ADGRG6: variants seen among roughly 807,000 people sequenced by gnomAD.
The protein encoded by ADGRG6 is adhesion G protein-coupled receptor G6.
In ADGRG6, 84 loss-of-function variants were observed where a neutral mutation model predicts 142.4. The observed-to-expected ratio is 0.59, with a 90% CI of 0.49 to 0.71. ADGRG6 has a LOEUF of 0.71. ADGRG6 is among the 30% of genes least tolerant of loss of function. The probability of loss-of-function intolerance (pLI) is 0.00; values close to 1 mark genes in which losing one functional copy is unlikely to be tolerated. For synonymous variants in ADGRG6, 521 were observed against 520.5 expected (o/e 1.00, Z -0.01); for missense variants, 1,367 against 1,466.6 (o/e 0.93, Z 1.11).
At chr6:142,439,726 C>G (rs1256875342) in intron 24 of ADGRG6, among the ~76,000 whole-genome samples, 1 of 152,016 alleles carries the variant, frequency 6.6e-6, no homozygotes, top group Non-Finnish European at 1.5e-5. Flanking sequence ...GCTGTTGATT[C>G]TCTTCCAGAA....
chr6:142,327,092 T>C (rs894972870), intron 2 of ADGRG6, among the ~76,000 whole-genome samples: 2 of 152,022 alleles, frequency 1.3e-5, no homozygotes, highest in African/African-American at 2.4e-5. Flanking sequence ...AGTACTTTGT[T>C]TGGGTGTGTA....
At chr6:142,361,550 C>A (rs1410321622) in intron 2 of ADGRG6, among the ~76,000 whole-genome samples, 3 of 152,014 alleles carry the variant, frequency 2.0e-5, no homozygotes, top group African/African-American at 4.8e-5. Flanking sequence ...TCAGAGGCAT[C>A]CAGTGCTGGA....
intron 2 of ADGRG6, among the ~76,000 whole-genome samples, chr6:142,365,730 G>A (rs1303890098): frequency 6.6e-6 from 1 of 152,148 alleles, no homozygotes; most frequent in Non-Finnish European, 1.5e-5. Flanking sequence ...AATGGATGGA[G>A]ACAGAGTTGG....
chr6:142,402,613 G>T lies in ADGRG6; in HGVS notation c.1745-7G>T, dbSNP rs1259334422. On this transcript the variant is annotated splice_region_variant and splice_polypyrimidine_tract_variant and intron_variant, in intron 12 of 24. Coordinates refer to ENST00000367609, the MANE Select transcript of ADGRG6 (RefSeq NM_198569.3). Reference sequence around the variant, plus strand: ...CTTAGTGTTGTTTTCTTCTGCCTTTGTTTTAGAAGAAGCAAATGAAGTTGC... The same window carrying T: ...CTTAGTGTTGTTTTCTTCTGCCTTTTTTTTAGAAGAAGCAAATGAAGTTGC... 2 of 1,493,030 alleles carry T rather than the reference G, an allele frequency of 1.3e-6. No homozygotes were observed. Among genetic ancestry groups the T allele is most frequent in the Non-Finnish European group, 1.9e-6 (2 of 1,080,902 alleles). The allele number at this position is 1,493,030 out of a possible 1,614,324, so 92.5% of individuals were successfully genotyped here.
chr6:142,423,306 G>A (rs1302148760), intron 22 of ADGRG6, among the ~76,000 whole-genome samples: 26 of 147,410 alleles, frequency 1.8e-4, no homozygotes, highest in Non-Finnish European at 3.6e-4. Context: ...TAGGTCTAAC[G>A]TTTAAATCTT....
rs577495333 is a variant in ADGRG6 at position 142,428,816 on chromosome 6, A to G, written c.3320-8618A>G. Among the ~76,000 whole-genome samples, 24 of 152,284 alleles carry G rather than the reference A, an allele frequency of 1.6e-4. 1 individual carries two copies. The highest frequency in any genetic ancestry group is 4.8e-4 in the African/African-American group (20 of 41,566). Reference sequence around the variant, plus strand: ...ATTATGGGGATTACAATTCAAGATGAGATTTGGGTGGGGACACAAAGCCAA... The same window carrying G: ...ATTATGGGGATTACAATTCAAGATGGGATTTGGGTGGGGACACAAAGCCAA... On this transcript the variant is annotated intron_variant, in intron 22 of 24. Transcript: ENST00000367609.
intron 2 of ADGRG6, among the ~76,000 whole-genome samples, chr6:142,345,830 T>C (rs1779872655): frequency 6.6e-6 from 1 of 152,220 alleles, no homozygotes; most frequent in African/African-American, 2.4e-5. Flanking sequence ...CTAGCTAGAC[T>C]TTAATTTGTG....
intron 2 of ADGRG6, among the ~76,000 whole-genome samples, chr6:142,311,618 T>C (rs1479444135): frequency 6.6e-6 from 1 of 152,008 alleles, no homozygotes; most frequent in East Asian, 1.9e-4. Flanking sequence ...TTTTGAAGAC[T>C]AGTGCTTAAC....
intron 2 of ADGRG6, among the ~76,000 whole-genome samples, chr6:142,313,917 A>C (rs921841925): frequency 6.6e-6 from 1 of 152,180 alleles, no homozygotes; most frequent in Non-Finnish European, 1.5e-5. Context: ...TGTATTGAAA[A>C]TTACTAAGTG....
At position 142,367,859 on chromosome 6, in the gene ADGRG6, T is replaced by G. The variant is rs756103287; in HGVS notation, c.394T>G (p.Ser132Ala). The G allele has an allele frequency of 1.9e-6, 3 of 1,613,286 alleles. No homozygotes were observed. The highest frequency in any genetic ancestry group is 1.7e-5 in the Admixed American group (1 of 60,000). Residue 132 changes from serine (S) to alanine (A), a missense_variant, in exon 3 of 25, where the codon TCA (serine) becomes GCA (alanine). Physicochemically the swap from Ser to Ala is moderately conservative, Grantham distance 99 (BLOSUM62 1). Around this residue, in one of 3 missense-constraint regions of ADGRG6, gnomAD observed 737 missense variants for 746.5 expected, o/e 0.99. Coordinates refer to ENST00000367609, the MANE Select transcript of ADGRG6 (RefSeq NM_198569.3). Reference protein sequence around the residue: ...SSANEMHVSFSSDFSIQKKGF... With the variant: ...SSANEMHVSFASDFSIQKKGF... Reference sequence around the variant, plus strand: ...TGCGAATGAGATGCATGTGTCCTTTTCAAGTGACTTTAGCATCCAGAAGAA... The same window carrying G: ...TGCGAATGAGATGCATGTGTCCTTTGCAAGTGACTTTAGCATCCAGAAGAA...
intron 2 of ADGRG6, among the ~76,000 whole-genome samples, chr6:142,320,616 G>A (rs895435176): frequency 2.0e-5 from 3 of 152,062 alleles, no homozygotes; most frequent in Non-Finnish European, 4.4e-5. Context: ...AGTGAAAACT[G>A]CGTGCCTGAA....
chr6:142,343,518 A>AAAC (rs1270137887), intron 2 of ADGRG6, among the ~76,000 whole-genome samples: 8 of 151,864 alleles, frequency 5.3e-5, no homozygotes, highest in Non-Finnish European at 1.2e-4. Flanking sequence ...ATAAAAAGAT[A>AAAC]AACAGTATTT....
chr6:142,366,813 G>T (rs1439400899), intron 2 of ADGRG6, among the ~76,000 whole-genome samples: 1 of 150,830 alleles, frequency 6.6e-6, no homozygotes, highest in Non-Finnish European at 1.5e-5. Context: ...CATTGATATT[G>T]ATATATATTA....
intron 6 of ADGRG6, among the ~76,000 whole-genome samples, chr6:142,384,408 C>A (rs1781927387): frequency 6.6e-6 from 1 of 152,060 alleles, no homozygotes; most frequent in African/African-American, 2.4e-5. Flanking sequence ...ATGACAACTT[C>A]AAATACTTCT....
At chr6:142,318,206 A>ATT (rs1221644558) in intron 2 of ADGRG6, among the ~76,000 whole-genome samples, 6 of 60,258 alleles carry the variant, frequency 1.0e-4, no homozygotes, top group African/African-American at 1.5e-4. Context: ...TATATTATAT[A>ATT]TATTTATATA....
intron 2 of ADGRG6, among the ~76,000 whole-genome samples, chr6:142,342,458 G>GA (rs1779702183): frequency 6.6e-6 from 1 of 152,036 alleles, no homozygotes; most frequent in Non-Finnish European, 1.5e-5. Context: ...CTTTGAAAAT[G>GA]AATTTTAGGA....
At chr6:142,351,294 A>G (rs895805124) in intron 2 of ADGRG6, among the ~76,000 whole-genome samples, 5 of 152,270 alleles carry the variant, frequency 3.3e-5, no homozygotes, top group Admixed American at 2.6e-4. Context: ...ACACTACCAG[A>G]CTTCAAACTA....
intron 4 of ADGRG6, among the ~76,000 whole-genome samples, chr6:142,373,846 CAT>C (rs143809703): frequency 0.012 from 1,762 of 148,472 alleles, 37 homozygotes; most frequent in African/African-American, 0.04. Context: ...GCCCAGCACA[CAT>C]GTTTTTTTAA....
intron 2 of ADGRG6, among the ~76,000 whole-genome samples, chr6:142,347,887 T>G (rs1779984694): frequency 6.6e-6 from 1 of 152,198 alleles, no homozygotes; most frequent in African/African-American, 2.4e-5. Context: ...CTAAATATTC[T>G]TTTGATTTCT....
Sources: allele counts gnomAD v4.1 joint callset (sites outside exome capture counted in the v4.1 genomes callset), GRCh38; gene constraint gnomAD v4.1.1; regional missense constraint gnomAD v4.1.1; transcripts MANE v1.5; gene names NCBI Gene and HGNC (gene_info 2026-07-23, HGNC 2026-07-21).